Variants in TMCC2 observed in about 807,000 individuals in gnomAD.
The protein encoded by TMCC2 is transmembrane and coiled-coil domain family 2, also known as transmembrane and coiled-coil domains protein 2.
Under a neutral mutation model 49.4 loss-of-function variants are expected in TMCC2, and 16 were observed. The observed-to-expected ratio is 0.32, with a 90% CI of 0.22 to 0.49. The LOEUF (loss-of-function observed/expected upper bound fraction) is 0.49, where lower values mean the gene tolerates loss of function less well. TMCC2 is among the 20% of genes least tolerant of loss of function. The pLI is 0.99. For synonymous variants in TMCC2, 397 were observed against 434.1 expected (o/e 0.91, Z 1.06); for missense variants, 762 against 989.8 (o/e 0.77, Z 3.09).
chr1:205,243,400 C>A (rs1316598889), intron 2 of TMCC2, among the ~76,000 whole-genome samples: 1 of 137,242 alleles, frequency 7.3e-6, no homozygotes, highest in Non-Finnish European at 1.7e-5. Context: ...AAAGAAAAAA[C>A]CAACAAAAAA....
Position 205,272,310 on chromosome 1 carries a change from CT to C in TMCC2, c.*188del. ...CTTCTCCCTGTTGGCCTGAAGGGAG[CT>C]TAGAATGCAGCCCTACCTGGAGATA... On this transcript the variant is annotated 3_prime_UTR_variant, in exon 5 of 5. Coordinates refer to ENST00000358024, the MANE Select transcript of TMCC2 (RefSeq NM_014858.4). The C allele has an allele frequency of 8.2e-7, 1 of 1,224,742 alleles. No individual in the cohort carries two copies. The highest frequency in any genetic ancestry group is 1.1e-6 in the Non-Finnish European group (1 of 909,254). The allele number at this position is 1,224,742 out of a possible 1,614,324, so 75.9% of individuals were successfully genotyped here.
intron 2 of TMCC2, chr1:205,268,189 GCC>G (rs1488093370): frequency 8.2e-5 from 41 of 500,018 alleles, no homozygotes; most frequent in Non-Finnish European, 1.1e-4. Context: ...TGAGGGAGAG[GCC>G]TGCTCAAGGC....
Position 205,264,880 on chromosome 1 carries a change from T to A in TMCC2, c.748-4070T>A, listed in dbSNP as rs1312464107. On this transcript the variant is annotated intron_variant, in intron 2 of 4. Transcript: ENST00000358024. This position sits in a 1 kb window ranked among gnomAD's most constrained non-coding sequence, Gnocchi z 4.2. ...GAATTCTCAGATACAGAAGGCTAAC[T>A]ATAATTGTTATCCTTATCCTTTGTC... Among the ~76,000 whole-genome samples the A allele has an allele frequency of 6.6e-6, 1 of 152,238 alleles. No homozygotes were observed. Among genetic ancestry groups the A allele is most frequent in the Non-Finnish European group, 1.5e-5 (1 of 68,044 alleles).
intron 2 of TMCC2, among the ~76,000 whole-genome samples, chr1:205,243,722 G>C (rs924522032): frequency 4.6e-5 from 7 of 152,228 alleles, no homozygotes; most frequent in African/African-American, 1.7e-4. Flanking sequence ...TGAGTTGCAA[G>C]TGCCTTTGGG....
At chr1:205,230,997 T>TC (rs57350842) in intron 1 of TMCC2, among the ~76,000 whole-genome samples, 1,945 of 42,214 alleles carry the variant, frequency 0.046, 99 homozygotes, top group South Asian at 0.057. Flanking sequence ...CATCCCCCCA[T>TC]CCCCCCCCCC....
At chr1:205,257,470 A>G (rs983314653) in intron 2 of TMCC2, 22 of 1,129,390 alleles carry the variant, frequency 1.9e-5, no homozygotes, top group Non-Finnish European at 2.5e-5. Context: ...CTGTGCTTAC[A>G]CTCCAGTCTC....
At chr1:205,229,864 G>C in intron 1 of TMCC2, 2 of 985,424 alleles carry the variant, frequency 2.0e-6, no homozygotes, top group African/African-American at 3.5e-5. Flanking sequence ...CAGCAGCTGA[G>C]ATAAATAATG....
intron 1 of TMCC2, chr1:205,229,548 G>GGGC: frequency 2.6e-6 from 1 of 380,112 alleles, no homozygotes; most frequent in South Asian, 1.4e-4. Context: ...GAAGGGGCGG[G>GGGC]GGGGGGGGGG....
chr1:205,252,397 G>T (rs151296563), intron 2 of TMCC2, among the ~76,000 whole-genome samples: 260 of 152,290 alleles, frequency 1.7e-3, no homozygotes, highest in African/African-American at 5.8e-3. Flanking sequence ...ATTCCTCCAC[G>T]TATTCCTAGG....
intron 1 of TMCC2, among the ~76,000 whole-genome samples, chr1:205,237,586 T>C (rs1162752004): frequency 6.6e-6 from 1 of 152,236 alleles, no homozygotes; most frequent in East Asian, 1.9e-4. Flanking sequence ...CCACTTTTGG[T>C]CATTTTTAAC....
chr1:205,269,201 G>A lies in TMCC2; in HGVS notation c.999G>A (p.Lys333=). The A allele has an allele frequency of 1.9e-6, 3 of 1,614,116 alleles. No individual in the cohort carries two copies. The highest frequency in any genetic ancestry group is 2.5e-6 in the Non-Finnish European group (3 of 1,180,040). ...ACAAGCAGCAGGTGTCACGCATCAA[G>A]CAAGTGTTCGAGAAGAAGAACCAGA... The part of the protein sequence containing the change: ...NADKQQVSRI[K]QVFEKKNQKS... Residue 333 remains lysine, a synonymous_variant, in exon 3 of 5, where the codon AAG becomes AAA. Transcript: ENST00000358024.
rs746034885 is a variant in TMCC2 at position 205,269,492 on chromosome 1, C to T, written c.1290C>T (p.Ser430=). The stretch of plus-strand genomic sequence containing the variant: ...TGTCCAAGCCCCGGGAGTTTGCCAG[C>T]CTCATCCGCAACAAGTTTGGCAGTG... ...AVVSKPREFA[S]LIRNKFGSAD... Residue 430 remains serine, a synonymous_variant, in exon 3 of 5, where the codon AGC becomes AGT. Transcript: ENST00000358024. 6.2e-6 allele frequency: 10 copies of T among 1,608,520 alleles called. No homozygotes were observed. The highest frequency in any genetic ancestry group is 1.3e-5 in the African/African-American group (1 of 74,828).
intron 2 of TMCC2, among the ~76,000 whole-genome samples, chr1:205,254,557 T>C (rs1056942317): frequency 2.0e-5 from 3 of 152,174 alleles, no homozygotes; most frequent in Non-Finnish European, 4.4e-5. Context: ...ATCTCCCTGG[T>C]TCTTGTTTGC....
intron 1 of TMCC2, among the ~76,000 whole-genome samples, chr1:205,232,365 A>G (rs974903108): frequency 6.6e-5 from 10 of 152,226 alleles, no homozygotes; most frequent in Non-Finnish European, 1.5e-4. Flanking sequence ...ACAACAATTC[A>G]GTCCCATTCT....
Position 205,269,630 on chromosome 1 carries a change from T to C in TMCC2, c.1428T>C (p.Asp476=), listed in dbSNP as rs891636901. ...TCTCCAGCCCCAAGTATGGCAGCGA[T>C]GATGAGTGCTCCAGCGCCAGCGCCA... ...TLVSSPKYGS[D]DECSSASASS... is the part of the protein sequence containing the mutation. Residue 476 remains aspartate (D), a synonymous_variant, in exon 3 of 5, where the codon GAT becomes GAC. Coordinates refer to ENST00000358024, the MANE Select transcript of TMCC2 (RefSeq NM_014858.4). 6.2e-7 allele frequency: 1 copy of C among 1,613,652 alleles called. No individual in the cohort carries two copies. The highest frequency in any genetic ancestry group is 8.5e-7 in the Non-Finnish European group (1 of 1,179,934).
chr1:205,252,968 A>AAAT (rs1553373837), intron 2 of TMCC2, among the ~76,000 whole-genome samples: 1 of 151,236 alleles, frequency 6.6e-6, no homozygotes, highest in African/African-American at 2.4e-5. Context: ...TAAAAAAAAA[A>AAAT]AATAATAATA....
At chr1:205,230,214 C>A in intron 1 of TMCC2, 1 of 972,186 alleles carries the variant, frequency 1.0e-6, no homozygotes, top group Non-Finnish European at 1.2e-6. Context: ...TGTCTGTGTG[C>A]CTTGGGGAGG....
At chr1:205,258,493 A>G (rs1278416504) in intron 2 of TMCC2, among the ~76,000 whole-genome samples, 2 of 152,142 alleles carry the variant, frequency 1.3e-5, no homozygotes, top group Non-Finnish European at 2.9e-5. Flanking sequence ...ACCGATAGGT[A>G]GGCTCTTTCT....
chr1:205,248,928 CTG>C (rs1660560625), intron 2 of TMCC2, among the ~76,000 whole-genome samples: 1 of 152,336 alleles, frequency 6.6e-6, no homozygotes, highest in East Asian at 1.9e-4. Context: ...CAGCCCCTGA[CTG>C]TGTCCTGCTC....
Sources: allele counts gnomAD v4.1 joint callset (sites outside exome capture counted in the v4.1 genomes callset), GRCh38; gene constraint gnomAD v4.1.1; non-coding constraint Gnocchi (gnomAD v3.1); transcripts MANE v1.5; gene names NCBI Gene and HGNC (gene_info 2026-07-23, HGNC 2026-07-21).